ASB11: variants seen among roughly 807,000 people sequenced by gnomAD.
ASB11 encodes the protein ankyrin repeat and SOCS box containing 11.
A neutral mutation model predicts 20.1 loss-of-function variants in ASB11; 17 were observed. The ratio of observed to expected loss-of-function variants is 0.85; its 90% CI spans 0.58 to 1.27. The LOEUF is 1.27. Ranked by LOEUF, ASB11 falls within the 50% of genes most tolerant of loss-of-function variation. The pLI is 0.00. For synonymous variants in ASB11, 107 were observed against 105.6 expected, an observed-to-expected ratio of 1.01 and a Z score of -0.08; for missense variants, 259 against 256.9, an observed-to-expected ratio of 1.01 and a Z score of -0.06.
chrX:15,306,214 T>C lies in ASB11; in HGVS notation c.182-3407A>G, dbSNP rs191121716. ...TGAGTCCATGTCTTTGTTATTGTGATTAGTGCTGTAATGAACATATGCACG... is the reference window on the plus strand; with the variant it reads ...TGAGTCCATGTCTTTGTTATTGTGACTAGTGCTGTAATGAACATATGCACG... On this transcript the variant is annotated intron_variant, in intron 1 of 6. Coordinates refer to ENST00000480796, the MANE Select transcript of ASB11 (RefSeq NM_080873.3). Among the ~76,000 whole-genome samples, 4 of 112,465 alleles carry C rather than the reference T, an allele frequency of 3.6e-5. No homozygotes were observed. The East Asian group carries it at 8.4e-4, about 24-fold the overall frequency.
intron 3 of ASB11, among the ~76,000 whole-genome samples, chrX:15,295,426 TAGAA>T (rs749334609): frequency 8.9e-6 from 1 of 112,138 alleles, no homozygotes; most frequent in African/African-American, 3.2e-5. Context: ...GGGAAAAACT[TAGAA>T]AGTAAAATTA....
At chrX:15,308,017 A>C (rs1326463345) in intron 1 of ASB11, among the ~76,000 whole-genome samples, 2 of 111,981 alleles carry the variant, frequency 1.8e-5, no homozygotes, top group Non-Finnish European at 3.8e-5. Context: ...TGGAGACAGA[A>C]GGGCAGCATG....
intron 1 of ASB11, chrX:15,314,277 T>C (rs1402229016): frequency 1.9e-6 from 2 of 1,035,807 alleles, no homozygotes; most frequent in Non-Finnish European, 2.5e-6. Context: ...CAAATTAAAT[T>C]AGAAGATAAC....
Position 15,287,896 on chromosome X carries a change from G to C in ASB11, c.832C>G (p.Leu278Val), listed in dbSNP as rs926155917. The C allele has an allele frequency of 2.5e-6, 3 of 1,208,823 alleles. No individual in the cohort carries two copies. Among genetic ancestry groups the C allele is most frequent in the Non-Finnish European group, 3.4e-6 (3 of 893,904 alleles). ...CCTTGGTTACCTTCACGGAGCAAGA[G>C]TGCCTGCTCCACGCTGCTTTTTGGA... The part of the protein sequence containing the change: ...AAPKSSVEQA[L>V]LLREGPPALS... Residue 278 changes from leucine to valine, a missense_variant, in exon 6 of 7, where the codon CTC (leucine) becomes GTC (valine). Transcript: ENST00000480796.
intron 1 of ASB11, among the ~76,000 whole-genome samples, chrX:15,309,930 T>C (rs1487563910): frequency 2.5e-5 from 2 of 80,862 alleles, no homozygotes; most frequent in African/African-American, 1.0e-4. Flanking sequence ...ATCGCGCCAC[T>C]GCACTCCAGC....
At chrX:15,284,049 G>C (rs749157582) in intron 6 of ASB11, among the ~76,000 whole-genome samples, 1 of 107,980 alleles carries the variant, frequency 9.3e-6, no homozygotes, top group Non-Finnish European at 1.9e-5. Flanking sequence ...TCAGGAGATG[G>C]AGACCATCCT....
chrX:15,305,207 T>C lies in ASB11; in HGVS notation c.182-2400A>G, dbSNP rs189434081. Among the ~76,000 whole-genome samples, 10 of 111,971 alleles carry C rather than the reference T, an allele frequency of 8.9e-5. No homozygotes were observed. In the East Asian group the frequency reaches 2.8e-3, roughly 31 times the overall value. On this transcript the variant is annotated intron_variant, in intron 1 of 6. Transcript: ENST00000480796. ...AAGTTAACACCAGTGATGGAACAGATTGTCATCTGATGGAATGCGATGAGC... is the reference window on the plus strand; with the variant it reads ...AAGTTAACACCAGTGATGGAACAGACTGTCATCTGATGGAATGCGATGAGC...
chrX:15,282,131 A>C lies in ASB11; in HGVS notation c.*1374T>G, dbSNP rs1279242562. 1 of 110,900 alleles carries C rather than the reference A, an allele frequency of 9.0e-6. No individual in the cohort carries two copies. The highest frequency in any genetic ancestry group is 1.9e-5 in the Non-Finnish European group (1 of 52,962). 9.1% of individuals were successfully genotyped at this position (110,900 alleles called of 1,213,427 possible). ...TAAACATGTCTGCAGACATTGACAA[A>C]TGTCTCAGTGGGAGTGGGGCAAAAT... On this transcript the variant is annotated 3_prime_UTR_variant, in exon 7 of 7. Transcript: ENST00000480796.
intron 1 of ASB11, among the ~76,000 whole-genome samples, chrX:15,309,105 C>T (rs1001535485): frequency 9.0e-6 from 1 of 110,709 alleles, no homozygotes; most frequent in Admixed American, 9.7e-5. Context: ...TTAGTAGAGA[C>T]GGGATTTCGC....
intron 4 of ASB11, among the ~76,000 whole-genome samples, chrX:15,290,995 G>A (rs914415224): frequency 9.0e-6 from 1 of 110,771 alleles, no homozygotes; most frequent in Non-Finnish European, 1.9e-5. Flanking sequence ...AAAATACAGG[G>A]TATTTAATAC....
At chrX:15,288,109 G>A in intron 5 of ASB11, 37 bp from the exon 6 acceptor site, 1 of 1,148,877 alleles carries the variant, frequency 8.7e-7, no homozygotes, top group South Asian at 2.0e-5. Context: ...AACACTAAAT[G>A]TAATGTAAAG....
intron 1 of ASB11, among the ~76,000 whole-genome samples, chrX:15,303,379 T>C (rs139349712): frequency 0.015 from 1,639 of 111,981 alleles, 36 homozygotes; most frequent in African/African-American, 0.05. Flanking sequence ...TCGTAAGTTT[T>C]ACGAAAATTT....
At chrX:15,314,044 C>A (rs186992638) in intron 1 of ASB11, among the ~76,000 whole-genome samples, 19 of 84,594 alleles carry the variant, frequency 2.2e-4, no homozygotes, top group Non-Finnish European at 1.7e-4. Flanking sequence ...GGCTACAGAG[C>A]GAGACTCCAT....
chrX:15,305,843 G>T (rs1160215022), intron 1 of ASB11, among the ~76,000 whole-genome samples: 1 of 111,397 alleles, frequency 9.0e-6, no homozygotes, highest in African/African-American at 3.3e-5. Context: ...GTGCCATGGG[G>T]GTTTGTTTTA....
rs765212160 is a variant in ASB11 at position 15,288,062 on chromosome X, G to A, written c.666C>T (p.Val222=). 21 of 1,205,438 alleles carry A rather than the reference G, an allele frequency of 1.7e-5. No homozygotes were observed. Among genetic ancestry groups the A allele is most frequent in the Middle Eastern group, 4.6e-4 (2 of 4,345 alleles). The change falls in exon 6 of 7, where the codon GTC becomes GTT. Residue 222 remains valine, a synonymous_variant. Coordinates refer to ENST00000480796, the MANE Select transcript of ASB11 (RefSeq NM_080873.3). ...GGGTGTCCAGCCACTGGCCATGGTC[G>A]ACACTGGCTCCTTAACAAAACAGAT... is the stretch of plus-strand genomic sequence containing the variant. ...VKKLLELGAS[V]DHGQWLDTPL... is the part of the protein sequence containing the mutation.
intron 3 of ASB11, among the ~76,000 whole-genome samples, chrX:15,294,387 G>A (rs5935933): frequency 0.32 from 35,880 of 111,058 alleles, 4,670 homozygotes; most frequent in South Asian, 0.56. Flanking sequence ...AATATAACCC[G>A]TGAAACAGGG....
At chrX:15,312,417 C>CAAAAAAAAAAAAA (rs1231680554) in intron 1 of ASB11, among the ~76,000 whole-genome samples, 7 of 23,608 alleles carry the variant, frequency 3.0e-4, no homozygotes, top group Non-Finnish European at 4.2e-4. Flanking sequence ...GCCCACTGCA[C>CAAAAAAAAAAAAA]AAAAAAAAAA....
chrX:15,307,405 A>G (rs1050410616), intron 1 of ASB11, among the ~76,000 whole-genome samples: 2 of 112,520 alleles, frequency 1.8e-5, no homozygotes, highest in African/African-American at 6.5e-5. Flanking sequence ...GGATGGTTTC[A>G]GGATGACACT....
In ASB11 at chrX:15,282,662, T is replaced by C. The variant is rs192333407; in HGVS notation, c.*843A>G. On this transcript the variant is annotated 3_prime_UTR_variant, in exon 7 of 7. Transcript: ENST00000480796. Reference sequence around the variant, plus strand: ...GCTTACTTCAAATAACAGCATTTAATATCAGAAGCAATAAGCAATAGATGC... The same window carrying C: ...GCTTACTTCAAATAACAGCATTTAACATCAGAAGCAATAAGCAATAGATGC... 1 of 110,813 alleles carries C rather than the reference T, an allele frequency of 9.0e-6. No homozygotes were observed. The highest frequency in any genetic ancestry group is 1.9e-5 in the Non-Finnish European group (1 of 52,990). The allele number at this position is 110,813 out of a possible 1,213,427, so 9.1% of individuals were successfully genotyped here.
Sources: gnomAD v4.1 joint callset for allele counts (sites outside exome capture counted in the v4.1 genomes callset) on GRCh38, gnomAD v4.1.1 for gene constraint, MANE v1.5 for transcripts, NCBI Gene and HGNC (gene_info 2026-07-23, HGNC 2026-07-21) for gene names.